The following NEK11 variants were observed in gnomAD, a reference collection of about 807,000 sequenced individuals.
The protein encoded by NEK11 is NIMA related kinase 11, also known as serine/threonine-protein kinase Nek11.
A neutral mutation model predicts 80.7 loss-of-function variants in NEK11; 72 were observed. The ratio of observed to expected loss-of-function variants is 0.89; its 90% CI spans 0.74 to 1.08. NEK11 has a LOEUF of 1.08. Among genes scored for constraint, NEK11 ranks in the 50% least tolerant of loss-of-function variants. The pLI is 0.00. For missense variants in NEK11, 764 were observed against 763.6 expected (o/e 1.00, Z -0.01); for synonymous variants, 251 against 260.7 (o/e 0.96, Z 0.36).
At chr3:131,081,470 T>C (rs994772346) in intron 4 of NEK11, among the ~76,000 whole-genome samples, 1 of 152,150 alleles carries the variant, frequency 6.6e-6, no homozygotes, top group Non-Finnish European at 1.5e-5. Context: ...GTGAAGCTGC[T>C]TAGAGAAGTG....
chr3:131,129,887 G>A (rs930013287), intron 5 of NEK11, among the ~76,000 whole-genome samples: 1 of 151,996 alleles, frequency 6.6e-6, no homozygotes, highest in African/African-American at 2.4e-5. Flanking sequence ...CAACATTGTT[G>A]TTCTCCTTCA....
At chr3:131,032,128 A>G (rs1253899704) in intron 3 of NEK11, among the ~76,000 whole-genome samples, 1 of 151,816 alleles carries the variant, frequency 6.6e-6, no homozygotes, top group African/African-American at 2.4e-5. Context: ...CACCTGGCTA[A>G]TTTTTGTATT....
At chr3:131,127,645 T>C (rs1045610089) in intron 5 of NEK11, among the ~76,000 whole-genome samples, 1 of 152,142 alleles carries the variant, frequency 6.6e-6, no homozygotes, top group Non-Finnish European at 1.5e-5. Flanking sequence ...TATCTCTTTT[T>C]TTCTTTTGGT....
At chr3:131,265,664 G>T (rs954781098) in intron 16 of NEK11, among the ~76,000 whole-genome samples, 5 of 152,090 alleles carry the variant, frequency 3.3e-5, no homozygotes, top group Non-Finnish European at 7.4e-5. Context: ...AGGGATATTG[G>T]CCTGAAATTT....
intron 5 of NEK11, among the ~76,000 whole-genome samples, chr3:131,124,227 T>C (rs2082892587): frequency 6.6e-6 from 1 of 152,232 alleles, no homozygotes; most frequent in Non-Finnish European, 1.5e-5. Context: ...GTCTCATTGA[T>C]GTTAGAAAAA....
intron 14 of NEK11, among the ~76,000 whole-genome samples, chr3:131,226,923 C>T (rs931151856): frequency 3.3e-5 from 5 of 151,154 alleles, no homozygotes; most frequent in Non-Finnish European, 7.4e-5. Flanking sequence ...TGACTAGAAG[C>T]CACGTTTAAT....
chr3:131,216,292 T>C (rs1309976162), intron 14 of NEK11, among the ~76,000 whole-genome samples: 1 of 152,152 alleles, frequency 6.6e-6, no homozygotes, highest in Admixed American at 6.5e-5. Flanking sequence ...TTAAATGAGA[T>C]CTACCATATT....
rs569349274 is a variant in NEK11, at chr3:131,096,097, A to C, written c.337-13706A>C. 2.0e-5 allele frequency among the ~76,000 whole-genome samples: 3 copies of C among 152,234 alleles called. No homozygotes were observed. In the East Asian group the frequency reaches 5.8e-4, roughly 29 times the overall value. Reference sequence around the variant, plus strand: ...GACATATTTTTGTTATAGAGGGTACATCTGTAGGTTTGTTACATGGGTATA... The same window carrying C: ...GACATATTTTTGTTATAGAGGGTACCTCTGTAGGTTTGTTACATGGGTATA... On this transcript the variant is annotated intron_variant, in intron 4 of 17. Transcript: ENST00000383366.
At chr3:131,257,152 ATTT>A (rs5852620) in intron 16 of NEK11, among the ~76,000 whole-genome samples, 9 of 143,690 alleles carry the variant, frequency 6.3e-5, no homozygotes, top group African/African-American at 2.1e-4. Flanking sequence ...TGCCTGGCTA[ATTT>A]TTTTTTTTTT....
At chr3:131,349,197 A>G (rs2097415442) in intron 17 of NEK11, among the ~76,000 whole-genome samples, 1 of 152,084 alleles carries the variant, frequency 6.6e-6, no homozygotes, top group Admixed American at 6.5e-5. Context: ...TCTTCATTGC[A>G]CTTAGAACCA....
chr3:131,129,026 G>GTT (rs2083885240), intron 5 of NEK11, among the ~76,000 whole-genome samples: 1 of 140,898 alleles, frequency 7.1e-6, no homozygotes, highest in Non-Finnish European at 1.5e-5. Flanking sequence ...AGTTTTAATA[G>GTT]TTCTTTGTAT....
chr3:131,310,223 CT>C (rs138511472), intron 17 of NEK11, among the ~76,000 whole-genome samples: 1,530 of 152,114 alleles, frequency 0.01, 22 homozygotes, highest in African/African-American at 0.033. Flanking sequence ...CTATTGTACC[CT>C]TGAGTCTCCA....
At chr3:131,131,198 CTTTG>C (rs947724339) in intron 5 of NEK11, among the ~76,000 whole-genome samples, 37 of 152,224 alleles carry the variant, frequency 2.4e-4, no homozygotes, top group African/African-American at 8.4e-4. Flanking sequence ...CTTGTAATGT[CTTTG>C]TTTGGTTTTA....
At chr3:131,109,713 C>A in intron 4 of NEK11, 90 bp from the exon 5 acceptor site, 1 of 1,269,690 alleles carries the variant, frequency 7.9e-7, no homozygotes, top group Non-Finnish European at 1.1e-6. Context: ...TTCTTATAAA[C>A]AGTGACTGCT....
chr3:131,277,568 T>C (rs769881753), intron 17 of NEK11, among the ~76,000 whole-genome samples: 5 of 152,216 alleles, frequency 3.3e-5, no homozygotes, highest in Non-Finnish European at 7.3e-5. Flanking sequence ...TGTCGTCTCC[T>C]CTATGAAGAA....
At chr3:131,097,400 T>C (rs528076524) in intron 4 of NEK11, among the ~76,000 whole-genome samples, 162 of 151,918 alleles carry the variant, frequency 1.1e-3, no homozygotes, top group African/African-American at 3.8e-3. Flanking sequence ...GCACCTGTTG[T>C]TTCCTGACTT....
chr3:131,208,479 A>C (rs1222936521), intron 14 of NEK11, among the ~76,000 whole-genome samples: 4 of 152,208 alleles, frequency 2.6e-5, no homozygotes, highest in African/African-American at 9.6e-5. Context: ...ACTTTAAAAT[A>C]GTTTTTTCCA....
intron 14 of NEK11, among the ~76,000 whole-genome samples, chr3:131,222,393 C>T (rs1346008558): frequency 6.6e-6 from 1 of 152,108 alleles, no homozygotes; most frequent in Non-Finnish European, 1.5e-5. Context: ...AAATGTATAT[C>T]AGCATGCTTT....
chr3:131,262,955 T>C (rs1290701108), intron 16 of NEK11, among the ~76,000 whole-genome samples: 2 of 152,056 alleles, frequency 1.3e-5, no homozygotes, highest in Non-Finnish European at 2.9e-5. Context: ...AGAATGATGG[T>C]TTCTAGTTTC....
Sources: allele counts gnomAD v4.1 joint callset (sites outside exome capture counted in the v4.1 genomes callset), GRCh38; gene constraint gnomAD v4.1.1; transcripts MANE v1.5; gene names NCBI Gene and HGNC (gene_info 2026-07-23, HGNC 2026-07-21).